Variants in NEK1 observed in about 807,000 individuals in gnomAD.
NEK1 encodes the protein serine/threonine-protein kinase Nek1.
A neutral mutation model predicts 182.1 loss-of-function variants in NEK1; 137 were observed. The observed-to-expected ratio is 0.75, with a 90% CI of 0.65 to 0.87. The LOEUF is 0.87. Among genes scored for constraint, NEK1 ranks in the 40% least tolerant of loss-of-function variants. NEK1 has a pLI of 0.00. For synonymous variants in NEK1, 513 were observed against 492.2 expected, an observed-to-expected ratio of 1.04 and a Z score of -0.56; for missense variants, 1,391 against 1,494.4, an observed-to-expected ratio of 0.93 and a Z score of 1.14.
At chr4:169,594,907 C>T (rs1769178525) in intron 5 of NEK1, among the ~76,000 whole-genome samples, 1 of 152,134 alleles carries the variant, frequency 6.6e-6, no homozygotes, top group African/African-American at 2.4e-5. Flanking sequence ...TTCATCAAGC[C>T]CTTATCAAAT....
At chr4:169,524,384 C>G (rs1360451303) in intron 19 of NEK1, among the ~76,000 whole-genome samples, 1 of 150,658 alleles carries the variant, frequency 6.6e-6, no homozygotes, top group African/African-American at 2.5e-5. Flanking sequence ...TTGCTTGAAC[C>G]CAGGAGGCGG....
chr4:169,419,245 G>A (rs1713265282), intron 31 of NEK1, among the ~76,000 whole-genome samples: 1 of 151,904 alleles, frequency 6.6e-6, no homozygotes, highest in South Asian at 2.1e-4. Context: ...TAGAAACAAT[G>A]CAACCCAGAA....
chr4:169,598,951 A>G (rs1581068198), intron 5 of NEK1, 149 bp downstream of exon 5: 1 of 618,244 alleles, frequency 1.6e-6, no homozygotes, highest in East Asian at 2.7e-5. Flanking sequence ...GCAGCTAATT[A>G]GAGGTAAATA....
In NEK1 at chr4:169,555,941, A is replaced by G. The variant is rs779445364; in HGVS notation, c.1421T>C (p.Leu474Pro). Residue 474 changes from leucine to proline, a missense_variant, in exon 17 of 36, where the codon CTT becomes CCT. By Grantham distance (98) the Leu-to-Pro change is moderately conservative. Around this residue, in one of 5 missense-constraint regions of NEK1, gnomAD observed 1,216 missense variants for 1,277.6 expected, o/e 0.95. Coordinates refer to ENST00000507142, the MANE Select transcript of NEK1 (RefSeq NM_001199397.3). ...CAGAACATAGCCATACCTTTCTGGAAGACCTCGACCATATATTTCTCTTTT... is the reference window on the plus strand; with the variant it reads ...CAGAACATAGCCATACCTTTCTGGAGGACCTCGACCATATATTTCTCTTTT... ...KWKREIYGRG[L>P]PERGILPGVR... 6.2e-7 allele frequency: 1 copy of G among 1,613,500 alleles called. No individual in the cohort carries two copies. The highest frequency in any genetic ancestry group is 1.1e-5 in the South Asian group (1 of 90,980).
rs1561448774 is a variant in NEK1, at chr4:169,577,040, A to AT, written c.907dup (p.Met303AsnfsTer12). On this transcript the variant is annotated frameshift_variant, in exon 12 of 36. Transcript: ENST00000507142. LOFTEE classifies it high-confidence loss of function. ...AGGCTTTGTAATTTTCTGAGCAGGC[A>AT]TAACAGAAATCGAGTTTTGTCCTGA... is the stretch of plus-strand genomic sequence containing the variant. 6.2e-7 allele frequency: 1 copy of AT among 1,613,614 alleles called. No individual in the cohort carries two copies. The highest frequency in any genetic ancestry group is 2.2e-5 in the East Asian group (1 of 44,812).
intron 12 of NEK1, among the ~76,000 whole-genome samples, chr4:169,571,179 A>AAAAAAAATAAAT (rs371180366): frequency 1.8e-4 from 26 of 143,368 alleles, no homozygotes; most frequent in Admixed American, 8.4e-4. Flanking sequence ...GATCAATAAA[A>AAAAAAAATAAAT]AAATAAATAA....
chr4:169,522,806 G>T (rs1448523579), intron 19 of NEK1, among the ~76,000 whole-genome samples: 1 of 152,170 alleles, frequency 6.6e-6, no homozygotes, highest in Non-Finnish European at 1.5e-5. Context: ...AAAATGTTGA[G>T]GTTCCCTATC....
intron 26 of NEK1, among the ~76,000 whole-genome samples, chr4:169,464,638 C>A (rs2149506544): frequency 6.6e-6 from 1 of 151,768 alleles, no homozygotes; most frequent in East Asian, 1.9e-4. Context: ...TCTATAAAAT[C>A]TTTATGTGAA....
At chr4:169,506,242 G>A (rs188629712) in intron 23 of NEK1, among the ~76,000 whole-genome samples, 8 of 152,170 alleles carry the variant, frequency 5.3e-5, no homozygotes, top group Admixed American at 3.9e-4. Context: ...CTAATACAAC[G>A]AGGTACTGGC....
chr4:169,540,709 T>C (rs1303171121), intron 18 of NEK1, among the ~76,000 whole-genome samples: 1 of 152,016 alleles, frequency 6.6e-6, no homozygotes, highest in Non-Finnish European at 1.5e-5. Flanking sequence ...GATGATAATA[T>C]AAATGCAAAT....
In NEK1 at chr4:169,458,298, G is replaced by A. The variant is rs554829878; in HGVS notation, c.2587+4945C>T. Among the ~76,000 whole-genome samples the A allele has an allele frequency of 1.2e-4, 18 of 152,158 alleles. No individual in the cohort carries two copies. The South Asian group carries it at 1.7e-3, about 14-fold the overall frequency. On this transcript the variant is annotated intron_variant, in intron 27 of 35. Coordinates refer to ENST00000507142, the MANE Select transcript of NEK1 (RefSeq NM_001199397.3). The stretch of plus-strand genomic sequence containing the variant: ...GGCAAAGGAGCAAAGTTAATTCATC[G>A]AAGAAGGAATAGTATTTACAATAAG...
intron 23 of NEK1, among the ~76,000 whole-genome samples, chr4:169,496,103 TGAAGAG>T (rs899566446): frequency 8.5e-5 from 13 of 152,196 alleles, no homozygotes; most frequent in Non-Finnish European, 1.8e-4. Flanking sequence ...TAGTTCTCCT[TGAAGAG>T]GTCCTTCACG....
intron 26 of NEK1, among the ~76,000 whole-genome samples, chr4:169,463,641 AT>A (rs551373256): frequency 6.0e-4 from 92 of 152,310 alleles, no homozygotes; most frequent in African/African-American, 2.1e-3. Flanking sequence ...GAATATAAAA[AT>A]AGGAAAAAAC....
intron 12 of NEK1, among the ~76,000 whole-genome samples, chr4:169,567,021 T>C (rs963628036): frequency 2.6e-5 from 4 of 151,308 alleles, no homozygotes; most frequent in Non-Finnish European, 5.9e-5. Context: ...GCCTGGGAGG[T>C]GGAGGTTGTA....
intron 5 of NEK1, 66 bp from the exon 6 acceptor site, chr4:169,590,875 G>A: frequency 9.7e-7 from 1 of 1,029,504 alleles, no homozygotes; most frequent in Non-Finnish European, 1.5e-6. Flanking sequence ...GAATATTTAG[G>A]GATGAGAGGA....
chr4:169,579,366 T>C (rs1191666121), intron 11 of NEK1, among the ~76,000 whole-genome samples: 1 of 152,198 alleles, frequency 6.6e-6, no homozygotes, highest in East Asian at 1.9e-4. Context: ...TTGATTAAGA[T>C]ATGACTTCTA....
intron 18 of NEK1, among the ~76,000 whole-genome samples, chr4:169,548,577 T>TC (rs927178056): frequency 4.6e-5 from 7 of 152,188 alleles, no homozygotes; most frequent in African/African-American, 9.6e-5. Context: ...AACTGCCCCT[T>TC]CCCCCAGGTG....
chr4:169,457,354 A>G (rs1743082857), intron 27 of NEK1, among the ~76,000 whole-genome samples: 1 of 152,062 alleles, frequency 6.6e-6, no homozygotes, highest in South Asian at 2.1e-4. Flanking sequence ...TGTACCCACA[A>G]TAGTTAATAA....
chr4:169,403,162 C>T (rs966000053), intron 32 of NEK1, among the ~76,000 whole-genome samples: 8 of 152,138 alleles, frequency 5.3e-5, no homozygotes, highest in African/African-American at 1.9e-4. Flanking sequence ...CAAACGCCTA[C>T]AATTTGACTT....
Sources: allele counts gnomAD v4.1 joint callset (sites outside exome capture counted in the v4.1 genomes callset), GRCh38; gene constraint gnomAD v4.1.1; regional missense constraint gnomAD v4.1.1; transcripts MANE v1.5; gene names NCBI Gene and HGNC (gene_info 2026-07-23, HGNC 2026-07-21).